Variants in JAKMIP2 observed in about 807,000 individuals in gnomAD.
JAKMIP2 encodes the protein janus kinase and microtubule-interacting protein 2.
JAKMIP2 carries 25 observed loss-of-function variants against 115.0 expected under a neutral mutation model. The observed-to-expected ratio is 0.22, with a 90% CI of 0.16 to 0.30. JAKMIP2 has a LOEUF of 0.30. JAKMIP2 is among the 10% of genes least tolerant of loss of function. The pLI, the probability that JAKMIP2 is intolerant of heterozygous loss-of-function variation, is 1.00. For missense variants in JAKMIP2, 642 were observed against 957.6 expected, an observed-to-expected ratio of 0.67 and a Z score of 4.35; for synonymous variants, 334 against 343.6, an observed-to-expected ratio of 0.97 and a Z score of 0.31.
chr5:147,678,050 G>A (rs1760065971), intron 1 of JAKMIP2, among the ~76,000 whole-genome samples: 1 of 152,070 alleles, frequency 6.6e-6, no homozygotes, highest in Non-Finnish European at 1.5e-5. Flanking sequence ...TGTTGCCCAG[G>A]CTGGAGTGCA....
chr5:147,721,695 T>A (rs940257168), intron 1 of JAKMIP2, among the ~76,000 whole-genome samples: 3 of 150,444 alleles, frequency 2.0e-5, no homozygotes, highest in Non-Finnish European at 4.4e-5. Flanking sequence ...GCAATGCCTC[T>A]CCCTGCTTCG....
intron 1 of JAKMIP2, among the ~76,000 whole-genome samples, chr5:147,706,501 C>T (rs149808254): frequency 1.3e-5 from 2 of 152,248 alleles, no homozygotes; most frequent in African/African-American, 4.8e-5. Context: ...ATTTTCTTAA[C>T]ACTTTTTATG....
intron 1 of JAKMIP2, among the ~76,000 whole-genome samples, chr5:147,688,917 T>C (rs1468653718): frequency 2.0e-5 from 3 of 152,218 alleles, no homozygotes; most frequent in Non-Finnish European, 2.9e-5. Flanking sequence ...CTATGTTAGT[T>C]GGAGACCCAC....
chr5:147,755,539 G>A (rs1359186043), intron 1 of JAKMIP2, among the ~76,000 whole-genome samples: 8 of 152,188 alleles, frequency 5.3e-5, no homozygotes, highest in African/African-American at 1.9e-4. Context: ...GTGATACACG[G>A]ATGTTAAAAA....
intron 3 of JAKMIP2, among the ~76,000 whole-genome samples, 165 bp from the exon 4 acceptor site, chr5:147,650,712 T>C (rs1048475659): frequency 6.6e-6 from 1 of 152,210 alleles, no homozygotes; most frequent in African/African-American, 2.4e-5. Context: ...CATTGTGTAA[T>C]GAAGAAGTAT....
At chr5:147,604,933 G>T (rs954143281) in intron 20 of JAKMIP2, among the ~76,000 whole-genome samples, 8 of 151,354 alleles carry the variant, frequency 5.3e-5, no homozygotes, top group African/African-American at 1.9e-4. Flanking sequence ...CCATCAACCC[G>T]TCATCTACAT....
intron 2 of JAKMIP2, among the ~76,000 whole-genome samples, chr5:147,662,647 T>C (rs1486742467): frequency 6.6e-6 from 1 of 151,912 alleles, no homozygotes; most frequent in Non-Finnish European, 1.5e-5. Context: ...CTCTCTGTGA[T>C]ACACACAACC....
intron 1 of JAKMIP2, among the ~76,000 whole-genome samples, chr5:147,770,008 C>A (rs1755291422): frequency 6.6e-6 from 1 of 152,132 alleles, no homozygotes; most frequent in African/African-American, 2.4e-5. Flanking sequence ...TTACCACCTA[C>A]AACGAATTCC....
At chr5:147,606,822 TG>T (rs1248988521) in intron 20 of JAKMIP2, among the ~76,000 whole-genome samples, 1 of 152,234 alleles carries the variant, frequency 6.6e-6, no homozygotes, top group Non-Finnish European at 1.5e-5. Context: ...GAGCATGGAA[TG>T]TTTTTCCATT....
intron 20 of JAKMIP2, among the ~76,000 whole-genome samples, chr5:147,610,499 AT>A (rs1756260479): frequency 6.6e-6 from 1 of 152,156 alleles, no homozygotes; most frequent in South Asian, 2.1e-4. Flanking sequence ...TTTGCCGGTT[AT>A]CACCAGCAGA....
At chr5:147,704,661 G>T (rs572698878) in intron 1 of JAKMIP2, among the ~76,000 whole-genome samples, 1 of 152,202 alleles carries the variant, frequency 6.6e-6, no homozygotes, top group East Asian at 1.9e-4. Context: ...AAGCCAACTG[G>T]ATTCCCTCTG....
At chr5:147,720,771 C>T (rs1425293704) in intron 1 of JAKMIP2, among the ~76,000 whole-genome samples, 3 of 150,222 alleles carry the variant, frequency 2.0e-5, no homozygotes, top group Non-Finnish European at 3.0e-5. Context: ...TCAAAGTTTT[C>T]AACTTCTTTG....
At chr5:147,625,999 A>G (rs1193582689) in intron 16 of JAKMIP2, among the ~76,000 whole-genome samples, 3 of 152,192 alleles carry the variant, frequency 2.0e-5, no homozygotes, top group African/African-American at 7.2e-5. Context: ...ATTATTTTTA[A>G]TACAAAGTGA....
chr5:147,777,726 AATTAATT>A (rs1755613589), intron 1 of JAKMIP2, among the ~76,000 whole-genome samples: 1 of 152,282 alleles, frequency 6.6e-6, no homozygotes, highest in South Asian at 2.1e-4. Flanking sequence ...ACTGCAAGCT[AATTAATT>A]ATAAAGGACA....
intron 19 of JAKMIP2, among the ~76,000 whole-genome samples, chr5:147,612,961 G>A (rs1437949776): frequency 6.6e-6 from 1 of 152,084 alleles, no homozygotes; most frequent in Admixed American, 6.6e-5. Context: ...AATAGAATTG[G>A]TAAATTCACA....
rs997395128 is a variant in JAKMIP2 at position 147,586,695 on chromosome 5, C to G, written c.*5012G>C. 8.6e-5 allele frequency: 13 copies of G among 151,684 alleles called. No homozygotes were observed. The highest frequency in any genetic ancestry group is 3.1e-4 in the African/African-American group (13 of 41,290). 9.4% of individuals were successfully genotyped at this position (151,684 alleles called of 1,614,324 possible). Reference sequence around the variant, plus strand: ...ATAGGAAATTATAATCCTATTTTTGCTACATTGCCCCTATAAGTATATCTT... The same window carrying G: ...ATAGGAAATTATAATCCTATTTTTGGTACATTGCCCCTATAAGTATATCTT... On this transcript the variant is annotated 3_prime_UTR_variant, in exon 22 of 22. Coordinates refer to ENST00000616793, the MANE Select transcript of JAKMIP2 (RefSeq NM_001270941.2).
intron 1 of JAKMIP2, among the ~76,000 whole-genome samples, chr5:147,712,325 G>A (rs920864225): frequency 6.6e-6 from 1 of 151,646 alleles, no homozygotes; most frequent in African/African-American, 2.4e-5. Flanking sequence ...TTTTTGTAAC[G>A]AAGCAGTTTA....
At chr5:147,779,878 C>T (rs926044774) in intron 1 of JAKMIP2, among the ~76,000 whole-genome samples, 2 of 152,066 alleles carry the variant, frequency 1.3e-5, no homozygotes, top group African/African-American at 4.8e-5. Flanking sequence ...GAGAAGAATT[C>T]ATTGCTTTAT....
chr5:147,643,868 A>G (rs1272555716), intron 7 of JAKMIP2, among the ~76,000 whole-genome samples, 190 bp downstream of exon 7: 1 of 152,246 alleles, frequency 6.6e-6, no homozygotes, highest in Non-Finnish European at 1.5e-5. Context: ...ACAAAGGGTT[A>G]TAATTTAAAA....
Sources: allele counts gnomAD v4.1 joint callset (sites outside exome capture counted in the v4.1 genomes callset), GRCh38; gene constraint gnomAD v4.1.1; transcripts MANE v1.5; gene names NCBI Gene and HGNC (gene_info 2026-07-23, HGNC 2026-07-21).